WDR27: variants seen among roughly 807,000 people sequenced by gnomAD.
The protein encoded by WDR27 is WD repeat-containing protein 27.
In WDR27, 100 loss-of-function variants were observed where a neutral mutation model predicts 114.4. The ratio of observed to expected loss-of-function variants is 0.87; its 90% confidence interval spans 0.74 to 1.03. The LOEUF (loss-of-function observed/expected upper bound fraction) is 1.03. Ranked by LOEUF, WDR27 falls within the 50% of genes least tolerant of loss-of-function variation. The pLI is 0.00. For missense variants in WDR27, 1,129 were observed against 1,092.9 expected (o/e 1.03, Z -0.47); for synonymous variants, 449 against 423.1 (o/e 1.06, Z -0.75).
At chr6:169,534,902 C>G (rs746644872) in intron 25 of WDR27, among the ~76,000 whole-genome samples, 100 of 150,918 alleles carry the variant, frequency 6.6e-4, no homozygotes, top group Non-Finnish European at 1.3e-3. Flanking sequence ...TACTTAAGAA[C>G]ATGTTAGTAT....
intron 25 of WDR27, among the ~76,000 whole-genome samples, chr6:169,468,466 G>A (rs890212359): frequency 6.6e-6 from 1 of 152,138 alleles, no homozygotes; most frequent in African/African-American, 2.4e-5. Context: ...GAGAAAAAGG[G>A]GGAAATCCCC....
At chr6:169,515,523 G>C (rs1180839345) in intron 25 of WDR27, among the ~76,000 whole-genome samples, 1 of 152,078 alleles carries the variant, frequency 6.6e-6, no homozygotes, top group African/African-American at 2.4e-5. Flanking sequence ...GTCAGAATTA[G>C]ATGTCAAAGT....
At chr6:169,517,458 CTATAACTATTGTTTA>C (rs1374872855) in intron 25 of WDR27, among the ~76,000 whole-genome samples, 1 of 152,144 alleles carries the variant, frequency 6.6e-6, no homozygotes, top group Non-Finnish European at 1.5e-5. Context: ...AACTGAGAGT[CTATAACTATTGTTTA>C]TAGTTATTGC....
intron 25 of WDR27, among the ~76,000 whole-genome samples, chr6:169,567,953 G>T (rs1054727218): frequency 6.6e-6 from 1 of 152,194 alleles, no homozygotes; most frequent in Non-Finnish European, 1.5e-5. Flanking sequence ...AGGAAGGGCC[G>T]CCAGCTCCAG....
intron 16 of WDR27, among the ~76,000 whole-genome samples, chr6:169,645,667 C>A (rs969327846): frequency 1.4e-5 from 2 of 145,794 alleles, no homozygotes; most frequent in African/African-American, 4.9e-5. Flanking sequence ...TCATATGAGT[C>A]ACACTGTAGA....
chr6:169,672,389 AT>A lies in WDR27; in HGVS notation c.196del (p.Ile66SerfsTer18). ...AATTGGCTGATGGTGTCCTCGTAGGATTAGAAGCTGGGAAAATTAACAAAAA... is the reference window on the plus strand; with the variant it reads ...AATTGGCTGATGGTGTCCTCGTAGGATAGAAGCTGGGAAAATTAACAAAAA... Reference protein sequence around the residue: ...NTKDPSHQLLILRGHHQPITA... With the variant: ...NTKDPSHQLLXLRGHHQPITA... On this transcript the variant is annotated frameshift_variant, in exon 3 of 26. Transcript: ENST00000448612. LOFTEE classifies it high-confidence loss of function. 1 of 1,595,572 alleles carries A rather than the reference AT, an allele frequency of 6.3e-7. No homozygotes were observed. The highest frequency in any genetic ancestry group is 1.1e-5 in the South Asian group (1 of 87,222).
In WDR27 at chr6:169,584,639, A is replaced by G. The variant is rs188862103; in HGVS notation, c.2425-1705T>C. 2.0e-5 allele frequency among the ~76,000 whole-genome samples: 3 copies of G among 152,212 alleles called. 1 individual carries two copies. Among genetic ancestry groups the G allele is most frequent in the Admixed American group, 2.0e-4 (3 of 15,286 alleles). Reference sequence around the variant, plus strand: ...TGCTAGCTCAGTGGTTTCAATTTGCATTTCCCTTATGATTAGTGATGTGGA... The same window carrying G: ...TGCTAGCTCAGTGGTTTCAATTTGCGTTTCCCTTATGATTAGTGATGTGGA... On this transcript the variant is annotated intron_variant, in intron 23 of 25. Coordinates refer to ENST00000448612, the MANE Select transcript of WDR27 (RefSeq NM_182552.5).
chr6:169,427,755 G>C, the WDR27 span, among the ~76,000 whole-genome samples: 19 of 151,746 alleles, frequency 1.3e-4, no homozygotes, highest in Admixed American at 3.9e-4. Flanking sequence ...ACAGGACAAG[G>C]GGCAGCCCCT....
At chr6:169,607,206 C>A (rs1328271095) in intron 22 of WDR27, among the ~76,000 whole-genome samples, 1 of 151,356 alleles carries the variant, frequency 6.6e-6, no homozygotes, top group Non-Finnish European at 1.5e-5. Context: ...AAAAATATAA[C>A]TACCGTTCAT....
chr6:169,634,004 A>G (rs1817065806), intron 20 of WDR27, among the ~76,000 whole-genome samples: 1 of 152,216 alleles, frequency 6.6e-6, no homozygotes, highest in South Asian at 2.1e-4. Flanking sequence ...AACTTTGAAA[A>G]TTAAAAGCAA....
At chr6:169,646,041 T>C (rs1384403844) in intron 16 of WDR27, among the ~76,000 whole-genome samples, 1 of 152,228 alleles carries the variant, frequency 6.6e-6, no homozygotes, top group Non-Finnish European at 1.5e-5. Context: ...GGTCACACTG[T>C]AGAAAAGCCT....
intron 24 of WDR27, among the ~76,000 whole-genome samples, chr6:169,574,204 A>G (rs1476720505): frequency 1.3e-5 from 2 of 152,274 alleles, no homozygotes; most frequent in South Asian, 2.1e-4. Flanking sequence ...GTGAGCTGTT[A>G]CAGTTCCTTA....
intron 21 of WDR27, among the ~76,000 whole-genome samples, chr6:169,620,845 ACT>A (rs1163417826): frequency 6.6e-6 from 1 of 152,012 alleles, no homozygotes; most frequent in East Asian, 1.9e-4. Context: ...CACCTCCTGT[ACT>A]CTGCTCCTCC....
intron 23 of WDR27, among the ~76,000 whole-genome samples, chr6:169,588,927 C>A (rs9295016): frequency 0.49 from 73,898 of 152,106 alleles, 21,616 homozygotes; most frequent in Non-Finnish European, 0.67. Flanking sequence ...TTTGCCAGGA[C>A]AGCCACGGAG....
At chr6:169,647,503 G>A (rs944006399) in intron 16 of WDR27, 1 of 545,960 alleles carries the variant, frequency 1.8e-6, no homozygotes, top group Non-Finnish European at 3.3e-6. Context: ...CGGAGGAGCT[G>A]GACACAGAAC....
At chr6:169,584,256 T>C (rs915466190) in intron 23 of WDR27, among the ~76,000 whole-genome samples, 1 of 152,202 alleles carries the variant, frequency 6.6e-6, no homozygotes, top group African/African-American at 2.4e-5. Flanking sequence ...GGCTATACCG[T>C]TGTGTGTACA....
intron 13 of WDR27, 90 bp downstream of exon 13, chr6:169,658,186 A>C (rs1385680025): frequency 2.7e-5 from 27 of 1,017,234 alleles, no homozygotes; most frequent in Non-Finnish European, 3.8e-5. Flanking sequence ...ATATTTTAAC[A>C]TAAGAATTCG....
intron 1 of WDR27, among the ~76,000 whole-genome samples, chr6:169,699,747 C>T (rs891067438): frequency 8.5e-5 from 13 of 152,098 alleles, no homozygotes; most frequent in Admixed American, 6.5e-4. Context: ...TTTGTGGGGC[C>T]GAGGCAGAAG....
At chr6:169,654,707 C>T (rs1017276919) in intron 13 of WDR27, among the ~76,000 whole-genome samples, 1 of 150,066 alleles carries the variant, frequency 6.7e-6, no homozygotes, top group Non-Finnish European at 1.5e-5. Flanking sequence ...GAGGAGGAGG[C>T]GCGCACAGGA....
Sources: allele counts gnomAD v4.1 joint callset (sites outside exome capture counted in the v4.1 genomes callset), GRCh38; gene constraint gnomAD v4.1.1; transcripts MANE v1.5; gene names NCBI Gene and HGNC (gene_info 2026-07-23, HGNC 2026-07-21).